Variants in CRK observed in about 807,000 individuals in gnomAD.
The protein encoded by CRK is CRK proto-oncogene, adaptor protein.
A neutral mutation model predicts 29.8 loss-of-function variants in CRK; 4 were observed. The observed-to-expected ratio is 0.13, with a 90% CI of 0.07 to 0.31. The LOEUF (loss-of-function observed/expected upper bound fraction) is 0.31. CRK is among the 10% of genes least tolerant of loss of function. The pLI is 1.00. For missense variants in CRK, 274 were observed against 396.5 expected, an observed-to-expected ratio of 0.69 and a Z score of 2.62; for synonymous variants, 153 against 164.9, an observed-to-expected ratio of 0.93 and a Z score of 0.55.
chr17:1,442,313 G>T lies in CRK; in HGVS notation c.242-5158C>A, dbSNP rs1315140958. Among the ~76,000 whole-genome samples, 3 of 151,616 alleles carry T rather than the reference G, an allele frequency of 2.0e-5. 1 individual carries two copies. The East Asian group carries it at 5.9e-4, about 30-fold the overall frequency. ...GGGACTATAGGCGCACACCACACCT[G>T]GCCAGTTTTTGTATTTTTTGTGGAG... On this transcript the variant is annotated intron_variant, in intron 1 of 2. Transcript: ENST00000300574.
intron 1 of CRK, among the ~76,000 whole-genome samples, chr17:1,439,252 T>G (rs1020633561): frequency 6.6e-6 from 1 of 152,074 alleles, no homozygotes; most frequent in South Asian, 2.1e-4. Flanking sequence ...CCCGCCACCA[T>G]GCCTGGCTAA....
chr17:1,431,886 T>C (rs2073847844), intron 2 of CRK, among the ~76,000 whole-genome samples: 2 of 152,190 alleles, frequency 1.3e-5, no homozygotes, highest in South Asian at 4.1e-4. Flanking sequence ...TCAGTGAATG[T>C]AGTAATAACA....
Position 1,456,181 on chromosome 17 carries a change from C to A in CRK, c.-64G>T. ...CGCGCGCCCCTCCGGCCCCCGGCGC[C>A]CGCCGCCCAGCGGACCGGCTCCGGT... On this transcript the variant is annotated 5_prime_UTR_variant, in exon 1 of 3. Coordinates refer to ENST00000300574, the MANE Select transcript of CRK (RefSeq NM_016823.4). 15 of 1,373,216 alleles carry A rather than the reference C, an allele frequency of 1.1e-5. No homozygotes were observed. Among genetic ancestry groups the A allele is most frequent in the Non-Finnish European group, 1.3e-5 (14 of 1,067,764 alleles). The allele number at this position is 1,373,216 out of a possible 1,614,324, so 85.1% of individuals were successfully genotyped here. A position where few individuals can be genotyped will look rare whatever the true frequency, so the allele number is the denominator to read the frequency against.
chr17:1,451,388 G>A (rs981426295), intron 1 of CRK, among the ~76,000 whole-genome samples: 14 of 151,328 alleles, frequency 9.3e-5, no homozygotes, highest in African/African-American at 3.2e-4. Flanking sequence ...CCGCCACCAC[G>A]CCCAGCTAAT....
At chr17:1,424,405 C>T (rs116925799) in intron 2 of CRK, 4,433 of 152,684 alleles carry the variant, frequency 0.029, 91 homozygotes, top group East Asian at 0.089. Context: ...GCACAATCCC[C>T]CAGCCCACTC....
At chr17:1,430,487 C>G (rs546725992) in intron 2 of CRK, among the ~76,000 whole-genome samples, 135 of 151,306 alleles carry the variant, frequency 8.9e-4, no homozygotes, top group East Asian at 2.3e-3. Flanking sequence ...CTCCCGAGTA[C>G]CTGGGACTAC....
chr17:1,439,225 A>G (rs2073915328), intron 1 of CRK, among the ~76,000 whole-genome samples: 2 of 152,126 alleles, frequency 1.3e-5, no homozygotes, highest in Admixed American at 6.5e-5. Flanking sequence ...CCTCCCGAGT[A>G]GCTGGGACTA....
Position 1,422,116 on chromosome 17 carries a change from A to G in CRK, c.*1397T>C, listed in dbSNP as rs542035605. ...TTACTCTCCCCATGAGAAATGAATA[A>G]TACATAAGTAATTCACAATTGGTTC... On this transcript the variant is annotated 3_prime_UTR_variant, in exon 3 of 3. Transcript: ENST00000300574. 6.6e-6 allele frequency: 1 copy of G among 152,006 alleles called. No individual in the cohort carries two copies. The highest frequency in any genetic ancestry group is 1.5e-5 in the Non-Finnish European group (1 of 67,942). The allele number at this position is 152,006 out of a possible 1,614,324, so 9.4% of individuals were successfully genotyped here.
intron 2 of CRK, among the ~76,000 whole-genome samples, chr17:1,433,755 G>A (rs1293652690): frequency 1.3e-5 from 2 of 151,010 alleles, no homozygotes; most frequent in African/African-American, 2.4e-5. Flanking sequence ...CTGATCTCAG[G>A]TGATCTGCCT....
At chr17:1,425,180 C>G (rs1183930594) in intron 2 of CRK, among the ~76,000 whole-genome samples, 5 of 151,812 alleles carry the variant, frequency 3.3e-5, no homozygotes, top group Non-Finnish European at 7.4e-5. Context: ...AGCTCTGCCT[C>G]CCGGGTTCAC....
chr17:1,430,433 T>C (rs900863477), intron 2 of CRK, among the ~76,000 whole-genome samples: 2 of 151,518 alleles, frequency 1.3e-5, no homozygotes, highest in South Asian at 2.1e-4. Context: ...CTTGGCTCAC[T>C]GCAAGCTCCG....
chr17:1,432,794 A>G (rs1858875590), intron 2 of CRK, among the ~76,000 whole-genome samples: 1 of 150,524 alleles, frequency 6.6e-6, no homozygotes, highest in African/African-American at 2.5e-5. Context: ...AAAAAAAAAG[A>G]AAAGAAGAAC....
chr17:1,446,360 C>T (rs1221944565), intron 1 of CRK, among the ~76,000 whole-genome samples: 1 of 152,122 alleles, frequency 6.6e-6, no homozygotes, highest in Non-Finnish European at 1.5e-5. Context: ...TTCCAAGGTA[C>T]TCTCTCCACT....
chr17:1,434,410 T>C (rs2073871785), intron 2 of CRK, among the ~76,000 whole-genome samples: 1 of 152,152 alleles, frequency 6.6e-6, no homozygotes, highest in South Asian at 2.1e-4. Flanking sequence ...CAACTGATAA[T>C]GCCTGAAGCT....
intron 1 of CRK, among the ~76,000 whole-genome samples, chr17:1,442,665 T>C (rs918450470): frequency 2.1e-5 from 3 of 143,318 alleles, no homozygotes; most frequent in Non-Finnish European, 4.5e-5. Flanking sequence ...TGGAGTGCAG[T>C]GGCTGGATGT....
intron 2 of CRK, among the ~76,000 whole-genome samples, chr17:1,435,772 C>T (rs146769817): frequency 3.9e-5 from 6 of 152,164 alleles, no homozygotes; most frequent in African/African-American, 1.4e-4. Context: ...GTCTTCCTGC[C>T]TTAGCCTCCC....
chr17:1,456,146 GCCGCCGCCGCGCGCGCCCCTCCGGCCC>G lies in CRK; in HGVS notation c.-56_-30del. 6.9e-7 allele frequency: 1 copy of G among 1,456,292 alleles called. No homozygotes were observed. Among genetic ancestry groups the G allele is most frequent in the Non-Finnish European group, 9.1e-7 (1 of 1,104,536 alleles). The allele number at this position is 1,456,292 out of a possible 1,614,324, so 90.2% of individuals were successfully genotyped here. A position where few individuals can be genotyped will look rare whatever the true frequency, so the allele number is the denominator to read the frequency against. On this transcript the variant is annotated 5_prime_UTR_variant, in exon 1 of 3. Coordinates refer to ENST00000300574, the MANE Select transcript of CRK (RefSeq NM_016823.4). ...TGCCTCCGCGCCTAAACGCTGGGGT[GCCGCCGCCGCGCGCGCCCCTCCGGCCC>G]CCGGCGCCCGCCGCCCAGCGGACCG...
intron 1 of CRK, among the ~76,000 whole-genome samples, chr17:1,444,595 C>CAGG (rs771117130): frequency 9.6e-6 from 1 of 103,896 alleles, no homozygotes; most frequent in Non-Finnish European, 2.1e-5. Context: ...GAAGCCGAAG[C>CAGG]GGGGGGGGGG....
chr17:1,445,521 T>C (rs1361805261), intron 1 of CRK, among the ~76,000 whole-genome samples: 3 of 152,212 alleles, frequency 2.0e-5, no homozygotes, highest in Admixed American at 2.0e-4. Context: ...ATTTTGGTTA[T>C]GACTGTAGCA....
Sources: allele counts gnomAD v4.1 joint callset (sites outside exome capture counted in the v4.1 genomes callset), GRCh38; gene constraint gnomAD v4.1.1; transcripts MANE v1.5; gene names NCBI Gene and HGNC (gene_info 2026-07-23, HGNC 2026-07-21).